The following AKAP6 variants were observed in gnomAD, a reference collection of about 807,000 sequenced individuals.
AKAP6 encodes the protein A-kinase anchoring protein 6, also known as A-kinase anchor protein 6.
Under a neutral mutation model 188.5 loss-of-function variants are expected in AKAP6, and 58 were observed. The ratio of observed to expected loss-of-function variants is 0.31; its 90% CI spans 0.25 to 0.38. AKAP6 has a LOEUF of 0.38. Among genes scored for constraint, AKAP6 ranks in the 10% least tolerant of loss-of-function variants. The pLI, the probability that AKAP6 is intolerant of heterozygous loss-of-function variation, is 1.00. For missense variants in AKAP6, 2,710 were observed against 2,740.0 expected (o/e 0.99, Z 0.24); for synonymous variants, 989 against 998.6 (o/e 0.99, Z 0.18).
chr14:32,616,612 G>A (rs1448146573), intron 7 of AKAP6, among the ~76,000 whole-genome samples: 1 of 152,138 alleles, frequency 6.6e-6, no homozygotes, highest in South Asian at 2.1e-4. Context: ...TGGAGGGTGG[G>A]AGGAGGGAAA....
At chr14:32,532,293 A>T (rs777641965) in intron 2 of AKAP6, among the ~76,000 whole-genome samples, 2 of 152,196 alleles carry the variant, frequency 1.3e-5, no homozygotes, top group African/African-American at 4.8e-5. Flanking sequence ...CTACTTTGGT[A>T]GGTCAGCACT....
chr14:32,344,905 G>C lies in AKAP6; in HGVS notation c.-35+15497G>C, dbSNP rs188656956. 1.1e-3 allele frequency among the ~76,000 whole-genome samples: 140 copies of C among 129,270 alleles called. 3 individuals carry two copies. The East Asian group carries it at 0.031, about 29-fold the overall frequency. 84.8% of individuals were successfully genotyped at this position (129,270 alleles called of 152,430 possible). A position where few individuals can be genotyped will look rare whatever the true frequency, so the allele number is the denominator to read the frequency against. On this transcript the variant is annotated intron_variant, in intron 1 of 13. Coordinates refer to ENST00000280979, the MANE Select transcript of AKAP6 (RefSeq NM_004274.5). ...CACTCCAGCCTGGGCAACAGAGTGA[G>C]ACTCTGTCTTAAAAAAAAAAAAAAA...
At chr14:32,762,894 A>G (rs1207353269) in intron 11 of AKAP6, among the ~76,000 whole-genome samples, 1 of 152,114 alleles carries the variant, frequency 6.6e-6, no homozygotes, top group African/African-American at 2.4e-5. Flanking sequence ...CCATGGAGGT[A>G]AAGGTGATTG....
intron 4 of AKAP6, among the ~76,000 whole-genome samples, chr14:32,561,850 C>T (rs1223879743): frequency 6.6e-6 from 1 of 152,212 alleles, no homozygotes; most frequent in African/African-American, 2.4e-5. Flanking sequence ...AAACATTTGC[C>T]TTGGCAGACT....
At chr14:32,414,527 T>G (rs1036011846) in intron 1 of AKAP6, among the ~76,000 whole-genome samples, 1 of 152,164 alleles carries the variant, frequency 6.6e-6, no homozygotes, top group Admixed American at 6.6e-5. Context: ...CAGAATTGTG[T>G]TAGGATATAC....
At chr14:32,555,179 A>G (rs1883636360) in intron 4 of AKAP6, among the ~76,000 whole-genome samples, 2 of 152,284 alleles carry the variant, frequency 1.3e-5, no homozygotes, top group South Asian at 2.1e-4. Context: ...TTGTAACTAG[A>G]CTGTAAAATT....
At chr14:32,361,531 G>C (rs1887665358) in intron 1 of AKAP6, among the ~76,000 whole-genome samples, 1 of 152,108 alleles carries the variant, frequency 6.6e-6, no homozygotes, top group South Asian at 2.1e-4. Flanking sequence ...ATTAAAGGGA[G>C]GCCATCTAGT....
At chr14:32,364,287 T>C (rs1887756618) in intron 1 of AKAP6, among the ~76,000 whole-genome samples, 1 of 152,232 alleles carries the variant, frequency 6.6e-6, no homozygotes, top group Non-Finnish European at 1.5e-5. Context: ...GGGATTTTTC[T>C]AGCTATTGAT....
At chr14:32,434,627 A>G (rs917924288) in intron 2 of AKAP6, among the ~76,000 whole-genome samples, 2 of 152,234 alleles carry the variant, frequency 1.3e-5, no homozygotes, top group Admixed American at 1.3e-4. Flanking sequence ...AGTCAATTAG[A>G]AGTAACACTA....
chr14:32,612,277 C>G (rs1239597748), intron 7 of AKAP6, among the ~76,000 whole-genome samples: 2 of 152,158 alleles, frequency 1.3e-5, no homozygotes, highest in Non-Finnish European at 2.9e-5. Flanking sequence ...ATCATGACCG[C>G]AAACTCCTTG....
intron 12 of AKAP6, among the ~76,000 whole-genome samples, chr14:32,780,157 C>CCAT (rs142218168): frequency 7.5e-5 from 9 of 119,346 alleles, no homozygotes; most frequent in Non-Finnish European, 1.1e-4. Context: ...AAAAAAAAAA[C>CCAT]ATATATATAT....
intron 9 of AKAP6, among the ~76,000 whole-genome samples, chr14:32,732,235 C>T (rs575304600): frequency 6.6e-6 from 1 of 151,234 alleles, no homozygotes; most frequent in East Asian, 2.0e-4. Context: ...AGAAGTAAAT[C>T]TTAGTCAACT....
At chr14:32,443,402 C>A (rs1216348269) in intron 2 of AKAP6, among the ~76,000 whole-genome samples, 5 of 99,094 alleles carry the variant, frequency 5.0e-5, no homozygotes, top group Admixed American at 1.7e-4. Context: ...CAAAACAAAA[C>A]AAAACAAAAA....
At chr14:32,660,859 G>C (rs972977789) in intron 7 of AKAP6, among the ~76,000 whole-genome samples, 17 of 151,248 alleles carry the variant, frequency 1.1e-4, no homozygotes, top group African/African-American at 4.1e-4. Flanking sequence ...TGGCTTTTCT[G>C]GGACCTAGAT....
At chr14:32,760,789 A>G (rs897423189) in intron 11 of AKAP6, among the ~76,000 whole-genome samples, 10 of 152,200 alleles carry the variant, frequency 6.6e-5, no homozygotes, top group South Asian at 6.2e-4. Flanking sequence ...TGAAGTTATT[A>G]TATTTCCTTT....
At chr14:32,793,736 T>C (rs1401718953) in intron 12 of AKAP6, among the ~76,000 whole-genome samples, 1 of 147,962 alleles carries the variant, frequency 6.8e-6, no homozygotes, top group Admixed American at 6.7e-5. Context: ...CTTTAAACCA[T>C]CAACGATTAA....
chr14:32,574,152 T>C (rs1483019327), intron 4 of AKAP6, among the ~76,000 whole-genome samples: 4 of 152,180 alleles, frequency 2.6e-5, no homozygotes, highest in Non-Finnish European at 5.9e-5. Context: ...TTAGCTTTTA[T>C]TATAAGTTCG....
chr14:32,705,484 G>A (rs1330027944), intron 9 of AKAP6, among the ~76,000 whole-genome samples: 3 of 152,022 alleles, frequency 2.0e-5, no homozygotes, highest in Non-Finnish European at 4.4e-5. Context: ...TATTGAGATG[G>A]GTGTAGGATA....
intron 9 of AKAP6, among the ~76,000 whole-genome samples, chr14:32,718,806 C>T (rs936515731): frequency 3.3e-5 from 5 of 152,268 alleles, no homozygotes; most frequent in African/African-American, 1.2e-4. Flanking sequence ...GCATATATTT[C>T]AACAGCTCTC....
Sources: allele counts gnomAD v4.1 joint callset (sites outside exome capture counted in the v4.1 genomes callset), GRCh38; gene constraint gnomAD v4.1.1; transcripts MANE v1.5; gene names NCBI Gene and HGNC (gene_info 2026-07-23, HGNC 2026-07-21).